Variants in MARCHF7 observed in about 807,000 individuals in gnomAD.
MARCHF7 encodes the protein membrane associated ring-CH-type finger 7, also known as E3 ubiquitin-protein ligase MARCHF7.
Under a neutral mutation model 76.5 loss-of-function variants are expected in MARCHF7, and 20 were observed. That is an observed-to-expected ratio of 0.26 (90% CI 0.18 to 0.38). The LOEUF (loss-of-function observed/expected upper bound fraction) is 0.38, where lower values mean the gene tolerates loss of function less well. MARCHF7 is among the 10% of genes least tolerant of loss of function. The probability of loss-of-function intolerance (pLI) is 1.00; values close to 1 mark genes in which losing one functional copy is unlikely to be tolerated. For synonymous variants in MARCHF7, 295 were observed against 293.0 expected (o/e 1.01, Z -0.07); for missense variants, 797 against 812.9 (o/e 0.98, Z 0.24).
chr2:159,724,143 A>G (rs763885832), intron 3 of MARCHF7, among the ~76,000 whole-genome samples: 52 of 152,324 alleles, frequency 3.4e-4, no homozygotes, highest in Non-Finnish European at 7.1e-4. Flanking sequence ...CTCCACTTCA[A>G]ATGTACTTGC....
At chr2:159,752,702 C>T (rs977260068) in intron 8 of MARCHF7, 131 bp downstream of exon 8, 15 of 830,380 alleles carry the variant, frequency 1.8e-5, no homozygotes, top group Non-Finnish European at 2.6e-5. Flanking sequence ...GAAGTCTCAG[C>T]AGAAGCATTA....
At chr2:159,732,056 A>T (rs572870382) in intron 4 of MARCHF7, among the ~76,000 whole-genome samples, 2 of 152,206 alleles carry the variant, frequency 1.3e-5, no homozygotes, top group African/African-American at 4.8e-5. Context: ...GTGAATCAAG[A>T]TCACGCCACT....
intron 4 of MARCHF7, among the ~76,000 whole-genome samples, chr2:159,741,539 CTTAT>C (rs1181610993): frequency 6.6e-6 from 1 of 152,080 alleles, no homozygotes; most frequent in Non-Finnish European, 1.5e-5. Flanking sequence ...TATTATAGTA[CTTAT>C]TTATAGTGTA....
chr2:159,755,507 T>C (rs1706184742), intron 8 of MARCHF7, among the ~76,000 whole-genome samples: 1 of 152,128 alleles, frequency 6.6e-6, no homozygotes, highest in South Asian at 2.1e-4. Flanking sequence ...CTCTCACTTC[T>C]TGGTCCTGAG....
intron 4 of MARCHF7, among the ~76,000 whole-genome samples, chr2:159,732,096 T>A (rs1027490905): frequency 3.3e-5 from 5 of 152,006 alleles, no homozygotes; most frequent in Admixed American, 3.3e-4. Flanking sequence ...AGAGCGAGAC[T>A]CTGTCTCAAA....
At position 159,740,280 on chromosome 2, in the gene MARCHF7, C is replaced by T. The variant is rs982953676; in HGVS notation, c.154-2781C>T. On this transcript the variant is annotated intron_variant, in intron 4 of 11. Coordinates refer to ENST00000409175, the MANE Select transcript of MARCHF7 (RefSeq NM_001282805.2). ...TCATTAGTTCCCAAAATCATGTTTG[C>T]AGAAGTGCTGTTCAGTAAGTTTATG... Among the ~76,000 whole-genome samples the T allele has an allele frequency of 2.8e-4, 43 of 152,070 alleles. 1 individual carries two copies. The highest frequency in any genetic ancestry group is 1.0e-3 in the African/African-American group (43 of 41,408).
At chr2:159,745,462 C>G (rs1033979881) in intron 5 of MARCHF7, among the ~76,000 whole-genome samples, 2 of 152,146 alleles carry the variant, frequency 1.3e-5, no homozygotes, top group Admixed American at 6.5e-5. Flanking sequence ...TGAGACCAGC[C>G]TGGCCGACAG....
intron 4 of MARCHF7, among the ~76,000 whole-genome samples, chr2:159,739,074 G>A (rs758271807): frequency 2.3e-4 from 35 of 152,304 alleles, no homozygotes; most frequent in Non-Finnish European, 2.6e-4. Flanking sequence ...GCCCAAGCTT[G>A]GCCAAAACTT....
intron 9 of MARCHF7, 91 bp downstream of exon 9, chr2:159,759,426 G>T (rs1483148894): frequency 1.8e-6 from 1 of 559,574 alleles, no homozygotes; most frequent in Non-Finnish European, 3.2e-6. Flanking sequence ...CAGAAACCTT[G>T]CATTAAAATA....
At chr2:159,767,079 G>A (rs12617546) in intron 11 of MARCHF7, among the ~76,000 whole-genome samples, 52,381 of 151,902 alleles carry the variant, frequency 0.34, 9,233 homozygotes, top group South Asian at 0.44. Flanking sequence ...TTACAAAACG[G>A]TGTGGGGGCG....
At chr2:159,750,915 T>G (rs1255619473) in intron 7 of MARCHF7, among the ~76,000 whole-genome samples, 1 of 152,216 alleles carries the variant, frequency 6.6e-6, no homozygotes, top group East Asian at 1.9e-4. Context: ...ACTCTGGTGA[T>G]AAAGGAAACT....
chr2:159,738,152 C>T (rs1313892771), intron 4 of MARCHF7, among the ~76,000 whole-genome samples: 1 of 152,188 alleles, frequency 6.6e-6, no homozygotes. Flanking sequence ...GCTCTAGGCA[C>T]TGGTGCCCTA....
Position 159,748,032 on chromosome 2 carries a change from A to G in MARCHF7, c.742A>G (p.Arg248Gly), listed in dbSNP as rs1314609290. The G allele has an allele frequency of 6.2e-7, 1 of 1,614,080 alleles. No individual in the cohort carries two copies. Among genetic ancestry groups the G allele is most frequent in the African/African-American group, 1.3e-5 (1 of 74,938 alleles). Residue 248 changes from arginine to glycine, a missense_variant, in exon 7 of 12, where the codon AGA (arginine) becomes GGA (glycine). Arg to Gly is a moderately radical substitution (Grantham distance 125). Coordinates refer to ENST00000409175, the MANE Select transcript of MARCHF7 (RefSeq NM_001282805.2). ...TQPGFSYSSSRDEAPIISNSE... is the reference protein window; with the variant it reads ...TQPGFSYSSSGDEAPIISNSE... ...GCCTGGATTTTCTTACAGTTCAAGT[A>G]GAGATGAAGCCCCAATCATAAGCAA...
At chr2:159,729,226 G>T in intron 4 of MARCHF7, 51 bp downstream of exon 4, 4 of 1,376,436 alleles carry the variant, frequency 2.9e-6, no homozygotes, top group Non-Finnish European at 3.9e-6. Flanking sequence ...AAAATCCCTA[G>T]GGCCACTCTT....
intron 11 of MARCHF7, 133 bp from the exon 12 acceptor site, chr2:159,767,151 T>C (rs1027852002): frequency 1.7e-5 from 11 of 658,444 alleles, no homozygotes; most frequent in East Asian, 1.6e-4. Flanking sequence ...ATACAACTTA[T>C]CATTTTGATC....
intron 9 of MARCHF7, among the ~76,000 whole-genome samples, chr2:159,759,992 T>C (rs1010366631): frequency 9.9e-5 from 15 of 152,182 alleles, no homozygotes; most frequent in African/African-American, 3.6e-4. Context: ...CCTCTTTTAT[T>C]ATATTGAATG....
chr2:159,750,694 T>C (rs1437953353), intron 7 of MARCHF7, among the ~76,000 whole-genome samples: 1 of 152,194 alleles, frequency 6.6e-6, no homozygotes, highest in Non-Finnish European at 1.5e-5. Context: ...GTCATCCTAG[T>C]CTAATTACTT....
intron 3 of MARCHF7, among the ~76,000 whole-genome samples, chr2:159,728,455 G>A (rs1702414732): frequency 6.6e-6 from 1 of 152,158 alleles, no homozygotes. Flanking sequence ...TTGAGATGGG[G>A]AAATAGAAAG....
Position 159,729,206 on chromosome 2 carries a change from A to T in MARCHF7, c.153+31A>T, listed in dbSNP as rs564512512. 5.3e-6 allele frequency: 8 copies of T among 1,509,206 alleles called. No individual in the cohort carries two copies. In the African/African-American group the frequency reaches 5.7e-5, roughly 11 times the overall value. 93.5% of individuals were successfully genotyped at this position (1,509,206 alleles called of 1,614,324 possible). A position where few individuals can be genotyped will look rare whatever the true frequency, so the allele number is the denominator to read the frequency against. On this transcript the variant is annotated intron_variant, in intron 4 of 11. Transcript: ENST00000409175. ...ATTTTTATTTGGAATATATGTATAC[A>T]GCCTTTTTCAAAATCCCTAGGGCCA...
Sources: allele counts gnomAD v4.1 joint callset (sites outside exome capture counted in the v4.1 genomes callset), GRCh38; gene constraint gnomAD v4.1.1; transcripts MANE v1.5; gene names NCBI Gene and HGNC (gene_info 2026-07-23, HGNC 2026-07-21).